NCAPG: variants seen among roughly 807,000 people sequenced by gnomAD.
NCAPG encodes non-SMC condensin I complex subunit G.
A neutral mutation model predicts 113.1 loss-of-function variants in NCAPG; 69 were observed. The ratio of observed to expected loss-of-function variants is 0.61; its 90% confidence interval spans 0.50 to 0.75. The LOEUF is 0.75. Among genes scored for constraint, NCAPG ranks in the 30% least tolerant of loss-of-function variants. NCAPG has a pLI of 0.00. For missense variants in NCAPG, 1,058 were observed against 1,177.0 expected (o/e 0.90, Z 1.48); for synonymous variants, 370 against 415.8 (o/e 0.89, Z 1.34).
In NCAPG at chr4:17,817,267, T is replaced by G; in HGVS notation, c.782T>G (p.Val261Gly). 2 of 1,612,176 alleles carry G rather than the reference T, an allele frequency of 1.2e-6. No homozygotes were observed. The highest frequency in any genetic ancestry group is 1.7e-6 in the Non-Finnish European group (2 of 1,179,162). Residue 261 changes from valine to glycine, a missense_variant, in exon 6 of 21, where the codon GTG becomes GGG. Transcript: ENST00000251496. ...GTTTCAAATGACTCAATAGATGCTG[T>G]GAAACAAGCTATGCAGAAGCATCTT... ...QQGLNDRSDA[V>G]KQAMQKHLLQ...
intron 3 of NCAPG, among the ~76,000 whole-genome samples, 168 bp from the exon 4 acceptor site, chr4:17,814,685 C>T (rs1721125512): frequency 1.3e-5 from 2 of 152,318 alleles, no homozygotes; most frequent in South Asian, 2.1e-4. Flanking sequence ...GCTTCAAGCT[C>T]TCCACCTACC....
At chr4:17,813,267 T>A in intron 3 of NCAPG, 122 bp downstream of exon 3, 3 of 793,872 alleles carry the variant, frequency 3.8e-6, no homozygotes, top group Non-Finnish European at 1.8e-6. Flanking sequence ...ATGATTCCGA[T>A]TAAACAAAAA....
At chr4:17,824,250 G>A (rs2109052362) in intron 9 of NCAPG, among the ~76,000 whole-genome samples, 1 of 152,202 alleles carries the variant, frequency 6.6e-6, no homozygotes, top group African/African-American at 2.4e-5. Flanking sequence ...TGTATTGCTT[G>A]ATAAATACAG....
chr4:17,814,489 A>T (rs1721115683), intron 3 of NCAPG, among the ~76,000 whole-genome samples: 1 of 152,206 alleles, frequency 6.6e-6, no homozygotes, highest in South Asian at 2.1e-4. Context: ...TCTATTACAG[A>T]TGGGTTCTCA....
chr4:17,816,945 C>A (rs545447611), intron 5 of NCAPG, among the ~76,000 whole-genome samples: 7 of 152,114 alleles, frequency 4.6e-5, no homozygotes, highest in Admixed American at 3.9e-4. Context: ...CCATCCTGGC[C>A]AACATGGTGA....
chr4:17,836,195 G>T (rs534476101), intron 14 of NCAPG, among the ~76,000 whole-genome samples: 1 of 152,138 alleles, frequency 6.6e-6, no homozygotes, highest in Non-Finnish European at 1.5e-5. Flanking sequence ...GTTTTGATTT[G>T]CATTTCCTTA....
chr4:17,834,391 TA>T lies in NCAPG; in HGVS notation c.1984del (p.Ile662SerfsTer11). ...MTFGIEPFKT[K>X]KIKTLHCEGT... ...CGTTCGGGATTGAACCATTTAAAAC[TA>T]AAAAAATCAAAACACTTCATTGTGA... On this transcript the variant is annotated frameshift_variant, in exon 14 of 21. Coordinates refer to ENST00000251496, the MANE Select transcript of NCAPG (RefSeq NM_022346.5). LOFTEE classifies it high-confidence loss of function. 1 of 1,610,678 alleles carries T rather than the reference TA, an allele frequency of 6.2e-7. No individual in the cohort carries two copies. The highest frequency in any genetic ancestry group is 8.5e-7 in the Non-Finnish European group (1 of 1,178,242).
chr4:17,840,705 A>C lies in NCAPG; in HGVS notation c.2854+12A>C, dbSNP rs1560234325. On this transcript the variant is annotated intron_variant, in intron 19 of 20. Transcript: ENST00000251496. ...AAAGACTAACAGAGGTAGTGTGTGG[A>C]TTGACCATCTTTATGATAAAAGTTT... 2 of 1,458,036 alleles carry C rather than the reference A, an allele frequency of 1.4e-6. No individual in the cohort carries two copies. The highest frequency in any genetic ancestry group is 1.8e-6 in the Non-Finnish European group (2 of 1,101,974). 90.3% of individuals were successfully genotyped at this position (1,458,036 alleles called of 1,614,324 possible).
chr4:17,830,795 T>C (rs16895838), intron 12 of NCAPG, among the ~76,000 whole-genome samples: 17,606 of 152,160 alleles, frequency 0.12, 1,134 homozygotes, highest in South Asian at 0.24. Context: ...TGGGAAACCA[T>C]TGAGTCCCTT....
rs180754537 is a variant in NCAPG at position 17,834,600 on chromosome 4, T to C, written c.2109+77T>C. On this transcript the variant is annotated intron_variant, in intron 14 of 20. Transcript: ENST00000251496. The stretch of plus-strand genomic sequence containing the variant: ...TTGTTTATTATTATTATTTTTTAAA[T>C]TTATTATAGTTTAAGTCCTGTGATA... The C allele has an allele frequency of 1.2e-3, 1,128 of 954,432 alleles. 3 individuals are homozygous for C. Among genetic ancestry groups the C allele is most frequent in the Non-Finnish European group, 1.5e-3 (1,042 of 691,814 alleles). 59.1% of individuals were successfully genotyped at this position (954,432 alleles called of 1,614,324 possible).
At chr4:17,833,124 C>G (rs914414326) in intron 13 of NCAPG, among the ~76,000 whole-genome samples, 7 of 152,124 alleles carry the variant, frequency 4.6e-5, no homozygotes, top group African/African-American at 1.7e-4. Flanking sequence ...GTAATCCCAG[C>G]ACTTTGGGAG....
intron 14 of NCAPG, among the ~76,000 whole-genome samples, chr4:17,836,093 T>C (rs183469761): frequency 9.8e-5 from 15 of 152,366 alleles, no homozygotes. Flanking sequence ...TGTAGAAGGT[T>C]TTCCATTTCT....
At chr4:17,836,684 T>C (rs1292927423) in intron 14 of NCAPG, among the ~76,000 whole-genome samples, 1 of 152,166 alleles carries the variant, frequency 6.6e-6, no homozygotes, top group Non-Finnish European at 1.5e-5. Context: ...CTCTAGACTT[T>C]TGTTTACTTT....
chr4:17,831,279 G>T (rs1240557136), intron 13 of NCAPG, among the ~76,000 whole-genome samples, 163 bp downstream of exon 13: 1 of 152,138 alleles, frequency 6.6e-6, no homozygotes, highest in Admixed American at 6.5e-5. Flanking sequence ...TTATTAAAAT[G>T]TCTTTGTAGA....
intron 2 of NCAPG, 119 bp downstream of exon 2, chr4:17,812,543 G>T: frequency 1.4e-6 from 1 of 717,906 alleles, no homozygotes; most frequent in East Asian, 2.7e-5. Flanking sequence ...AAACCTGAAT[G>T]AGTCTACCTT....
chr4:17,827,734 T>C (rs1428781096), intron 11 of NCAPG, among the ~76,000 whole-genome samples: 2 of 151,238 alleles, frequency 1.3e-5, no homozygotes, highest in Non-Finnish European at 2.9e-5. Context: ...CTGGGCTAGC[T>C]CATAGATGAT....
chr4:17,816,428 G>T (rs1364883342), intron 5 of NCAPG, among the ~76,000 whole-genome samples: 1 of 152,186 alleles, frequency 6.6e-6, no homozygotes, highest in Non-Finnish European at 1.5e-5. Context: ...GAGCCTGAGA[G>T]AATCTGCTTA....
At position 17,813,130 on chromosome 4, in the gene NCAPG, T is replaced by G; in HGVS notation, c.529T>G (p.Cys177Gly). 1.9e-6 allele frequency: 3 copies of G among 1,613,320 alleles called. No homozygotes were observed. In the South Asian group the frequency reaches 3.3e-5, roughly 18 times the overall value. Reference protein sequence around the residue: ...SRLQDPKDDECPVVNAYATLI... With the variant: ...SRLQDPKDDEGPVVNAYATLI... ...ACTTCAGGATCCCAAGGATGATGAA[T>G]GCCCAGTGGTTAATGGTGTGTGTAG... is the stretch of plus-strand genomic sequence containing the variant. The change falls in exon 3 of 21, where the codon TGC becomes GGC. Residue 177 changes from cysteine to glycine, a missense_variant. Transcript: ENST00000251496.
intron 3 of NCAPG, among the ~76,000 whole-genome samples, chr4:17,814,638 G>A (rs1361812976): frequency 6.6e-6 from 1 of 151,760 alleles, no homozygotes; most frequent in Non-Finnish European, 1.5e-5. Flanking sequence ...AGAGACAGGG[G>A]TCTTTCTATA....
Sources: allele counts gnomAD v4.1 joint callset (sites outside exome capture counted in the v4.1 genomes callset), GRCh38; gene constraint gnomAD v4.1.1; transcripts MANE v1.5; gene names NCBI Gene and HGNC (gene_info 2026-07-23, HGNC 2026-07-21).